Variants in SYT14 observed in about 807,000 individuals in gnomAD.
SYT14 encodes synaptotagmin 14, also known as synaptotagmin-14.
In SYT14, 32 loss-of-function variants were observed where a neutral mutation model predicts 74.2. The ratio of observed to expected loss-of-function variants is 0.43; its 90% CI spans 0.33 to 0.58. The LOEUF (loss-of-function observed/expected upper bound fraction) is 0.58, where lower values mean the gene tolerates loss of function less well. Ranked by LOEUF, SYT14 falls within the 20% of genes least tolerant of loss-of-function variation. SYT14 has a pLI of 0.05. For missense variants in SYT14, 791 were observed against 981.8 expected (o/e 0.81, Z 2.60); for synonymous variants, 298 against 337.7 (o/e 0.88, Z 1.29).
intron 5 of SYT14, among the ~76,000 whole-genome samples, chr1:210,057,098 G>A (rs138983809): frequency 0.05 from 7,557 of 152,058 alleles, 1,038 homozygotes; most frequent in East Asian, 0.42. Context: ...GCCTTCCTCG[G>A]CCTCCCAAAG....
chr1:209,947,873 C>T lies in SYT14; in HGVS notation c.-533-4836C>T, dbSNP rs542856819. On this transcript the variant is annotated intron_variant, in intron 1 of 9. Transcript: ENST00000637265. ...TTGCCACAGCCACCCCAACCTTCAT[C>T]ATCCATTATCCTAATGGGTTCACAA... 2.6e-5 allele frequency among the ~76,000 whole-genome samples: 4 copies of T among 152,304 alleles called. No homozygotes were observed. In the East Asian group the frequency reaches 7.7e-4, roughly 29 times the overall value.
At chr1:210,124,391 A>C (rs1478470441) in intron 7 of SYT14, among the ~76,000 whole-genome samples, 1 of 152,184 alleles carries the variant, frequency 6.6e-6, no homozygotes, top group Non-Finnish European at 1.5e-5. Flanking sequence ...ATAAAGAAAG[A>C]AAACAGAGGG....
chr1:210,059,753 A>T (rs929901644), intron 5 of SYT14, among the ~76,000 whole-genome samples: 5 of 152,050 alleles, frequency 3.3e-5, no homozygotes, highest in Non-Finnish European at 5.9e-5. Context: ...TCCTTTTCTT[A>T]TTGTGAGTGT....
chr1:210,063,852 C>T (rs182393200), intron 5 of SYT14, among the ~76,000 whole-genome samples: 115 of 151,664 alleles, frequency 7.6e-4, no homozygotes, highest in Admixed American at 2.2e-3. Context: ...TGAAGAGTAC[C>T]CTCCCTCTAA....
intron 7 of SYT14, among the ~76,000 whole-genome samples, chr1:210,121,522 C>T (rs531452715): frequency 4.6e-5 from 7 of 152,194 alleles, no homozygotes; most frequent in South Asian, 4.2e-4. Context: ...GGGCCAGGCG[C>T]GGTGGCTCAC....
intron 2 of SYT14, among the ~76,000 whole-genome samples, chr1:209,961,162 G>A (rs1044746004): frequency 1.3e-5 from 2 of 152,174 alleles, no homozygotes; most frequent in Admixed American, 6.5e-5. Context: ...TGCATCGTGG[G>A]CTCTTCCTTC....
chr1:210,139,275 T>C (rs1469093869), intron 7 of SYT14, among the ~76,000 whole-genome samples: 1 of 147,394 alleles, frequency 6.8e-6, no homozygotes, highest in African/African-American at 2.5e-5. Flanking sequence ...CTTTTTTTTT[T>C]TTTTTTTTTT....
intron 2 of SYT14, among the ~76,000 whole-genome samples, chr1:209,964,226 C>T (rs1356725950): frequency 1.3e-5 from 2 of 152,156 alleles, no homozygotes; most frequent in African/African-American, 4.8e-5. Flanking sequence ...TTCTCTCCCA[C>T]CTGCCGCTGT....
intron 7 of SYT14, among the ~76,000 whole-genome samples, chr1:210,112,799 C>G (rs1201836843): frequency 6.6e-6 from 1 of 151,260 alleles, no homozygotes; most frequent in East Asian, 1.9e-4. Flanking sequence ...GCCTATATAA[C>G]AGCATGGTGG....
intron 5 of SYT14, among the ~76,000 whole-genome samples, chr1:210,050,041 C>G (rs2080963025): frequency 6.6e-6 from 1 of 152,170 alleles, no homozygotes; most frequent in Non-Finnish European, 1.5e-5. Context: ...ATTTCTACAG[C>G]TGGTTTGAAT....
intron 7 of SYT14, among the ~76,000 whole-genome samples, chr1:210,118,829 T>C (rs1236510671): frequency 6.6e-6 from 1 of 152,108 alleles, no homozygotes; most frequent in Non-Finnish European, 1.5e-5. Flanking sequence ...AACAGTAACA[T>C]TGAGTGAGGT....
chr1:209,957,957 C>T (rs181800654), intron 2 of SYT14, among the ~76,000 whole-genome samples: 10 of 152,040 alleles, frequency 6.6e-5, no homozygotes, highest in Admixed American at 1.3e-4. Flanking sequence ...CCTTCTTTCT[C>T]TCTGTCTTTC....
At chr1:210,071,420 G>T (rs1006143049) in intron 5 of SYT14, among the ~76,000 whole-genome samples, 4 of 151,716 alleles carry the variant, frequency 2.6e-5, no homozygotes, top group African/African-American at 9.7e-5. Flanking sequence ...TCACTAAAAG[G>T]ACTTGCCTAG....
intron 7 of SYT14, among the ~76,000 whole-genome samples, chr1:210,143,345 C>A (rs1448005222): frequency 1.3e-5 from 2 of 151,990 alleles, no homozygotes; most frequent in African/African-American, 4.8e-5. Flanking sequence ...TTAATCTTAG[C>A]CAGAAATGTC....
intron 5 of SYT14, among the ~76,000 whole-genome samples, chr1:210,076,800 C>T (rs1055248727): frequency 6.6e-6 from 1 of 152,120 alleles, no homozygotes; most frequent in African/African-American, 2.4e-5. Flanking sequence ...CTCACTATCA[C>T]GAGAACAGCA....
At chr1:209,979,335 C>G (rs2079436690) in intron 2 of SYT14, among the ~76,000 whole-genome samples, 1 of 152,186 alleles carries the variant, frequency 6.6e-6, no homozygotes, top group Non-Finnish European at 1.5e-5. Flanking sequence ...TCCTATTCGG[C>G]CATCTTGGCT....
chr1:210,162,459 C>T, exon 10 of SYT14: 1 of 350,736 alleles, frequency 2.9e-6, no homozygotes, highest in Non-Finnish European at 5.5e-6. Context: ...AAGCTGTTTT[C>T]TTTTTAATTT....
At chr1:210,036,725 A>G (rs2080672183) in intron 5 of SYT14, among the ~76,000 whole-genome samples, 1 of 151,890 alleles carries the variant, frequency 6.6e-6, no homozygotes. Context: ...TTATGTGGTG[A>G]ATCTCATTTA....
intron 5 of SYT14, among the ~76,000 whole-genome samples, chr1:210,045,583 C>G (rs2080869898): frequency 6.6e-6 from 1 of 152,094 alleles, no homozygotes; most frequent in African/African-American, 2.4e-5. Flanking sequence ...CATTTCTTAT[C>G]TCTGAATTAA....
Sources: allele counts gnomAD v4.1 joint callset (sites outside exome capture counted in the v4.1 genomes callset), GRCh38; gene constraint gnomAD v4.1.1; transcripts MANE v1.5; gene names NCBI Gene and HGNC (gene_info 2026-07-23, HGNC 2026-07-21).